The following HIKESHI variants were observed in gnomAD, a reference collection of about 807,000 sequenced individuals.
The protein encoded by HIKESHI is protein Hikeshi.
In HIKESHI, 13 loss-of-function variants were observed where a neutral mutation model predicts 25.7. The observed-to-expected ratio is 0.51, with a 90% CI of 0.33 to 0.80. The LOEUF is 0.80. Among genes scored for constraint, HIKESHI ranks in the 30% least tolerant of loss-of-function variants. The pLI is 0.02. For synonymous variants in HIKESHI, 76 were observed against 78.7 expected (o/e 0.97, Z 0.18); for missense variants, 174 against 229.5 (o/e 0.76, Z 1.56).
intron 2 of HIKESHI, chr11:86,326,804 A>T (rs558380831): frequency 5.9e-5 from 16 of 273,152 alleles, no homozygotes; most frequent in African/African-American, 2.7e-4. Context: ...GGGTGGCATG[A>T]TAGGTTCCTG....
At chr11:86,327,561 G>A (rs964488580) in intron 2 of HIKESHI, among the ~76,000 whole-genome samples, 3 of 151,968 alleles carry the variant, frequency 2.0e-5, no homozygotes, top group African/African-American at 7.3e-5. Flanking sequence ...TGATCCACTC[G>A]CCTTGGCCTC....
In HIKESHI at chr11:86,328,464, C is replaced by G. The variant is rs796083412; in HGVS notation, c.269-8915C>G. ...TTTTTTTTTTTGAGACGGAGTCTGG[C>G]TCTGTTGCCGAGGCTGGTGTGCAGT... On this transcript the variant is annotated intron_variant, in intron 2 of 4. Transcript: ENST00000278483. Among the ~76,000 whole-genome samples, 26 of 148,220 alleles carry G rather than the reference C, an allele frequency of 1.8e-4. 1 individual carries two copies. In the South Asian group the frequency reaches 5.3e-3, roughly 30 times the overall value.
At chr11:86,345,266 A>G (rs1947841280) in intron 4 of HIKESHI, 1 of 425,476 alleles carries the variant, frequency 2.4e-6, no homozygotes, top group African/African-American at 2.1e-5. Flanking sequence ...CATCTGTGGA[A>G]TGAGGAAATA....
intron 1 of HIKESHI, 132 bp downstream of exon 1, chr11:86,302,610 T>C: frequency 3.9e-6 from 4 of 1,014,046 alleles, no homozygotes; most frequent in Non-Finnish European, 5.8e-6. Flanking sequence ...TATGTGAGGA[T>C]GGAGCGTGGG....
chr11:86,325,034 C>T (rs1407327030), intron 2 of HIKESHI, among the ~76,000 whole-genome samples: 1 of 151,948 alleles, frequency 6.6e-6, no homozygotes, highest in Non-Finnish European at 1.5e-5. Flanking sequence ...AAAAACTTAG[C>T]CAGGCATGGT....
chr11:86,315,711 G>T (rs551209864), intron 2 of HIKESHI, among the ~76,000 whole-genome samples: 1 of 152,186 alleles, frequency 6.6e-6, no homozygotes, highest in Admixed American at 6.6e-5. Context: ...ACTACTTACC[G>T]GAGGTAGTTG....
chr11:86,302,325 T>G lies in HIKESHI; in HGVS notation c.-124T>G. On this transcript the variant is annotated 5_prime_UTR_variant, in exon 1 of 5. The change abolishes the stop of an existing upstream ORF in the 5' untranslated region. Coordinates refer to ENST00000278483, the MANE Select transcript of HIKESHI (RefSeq NM_016401.4). ...TCTTGCCGCTGGCCCAGTCACTATG[T>G]AGTGGAGGGGCAGACACCCTCCCGC... is the stretch of plus-strand genomic sequence containing the variant. 1.7e-6 allele frequency: 2 copies of G among 1,167,300 alleles called. No individual in the cohort carries two copies. The highest frequency in any genetic ancestry group is 2.5e-6 in the Non-Finnish European group (2 of 808,200). 72.3% of individuals were successfully genotyped at this position (1,167,300 alleles called of 1,614,324 possible). A position where few individuals can be genotyped will look rare whatever the true frequency, so the allele number is the denominator to read the frequency against.
chr11:86,341,488 C>CTTTTTTTTTTTTTTTTTTTTTTTTTTT (rs112151717), intron 3 of HIKESHI, among the ~76,000 whole-genome samples: 1 of 142,810 alleles, frequency 7.0e-6, no homozygotes, highest in Non-Finnish European at 1.5e-5. Context: ...TGGAATTCTC[C>CTTTTTTTTTTTTTTTTTTTTTTTTTTT]TTTTTTTTTT....
chr11:86,305,215 G>T (rs1264074346), intron 1 of HIKESHI, among the ~76,000 whole-genome samples: 1 of 150,062 alleles, frequency 6.7e-6, no homozygotes, highest in Non-Finnish European at 1.5e-5. Flanking sequence ...GCCCTGGCTG[G>T]TCTTGAACTC....
intron 1 of HIKESHI, chr11:86,303,306 CT>C: frequency 1.2e-5 from 8 of 656,144 alleles, no homozygotes; most frequent in Non-Finnish European, 1.5e-5. Flanking sequence ...GCTGAATTGT[CT>C]TTTTTTCCCA....
intron 1 of HIKESHI, among the ~76,000 whole-genome samples, chr11:86,303,083 T>C (rs573747397): frequency 6.6e-6 from 1 of 152,300 alleles, no homozygotes; most frequent in African/African-American, 2.4e-5. Flanking sequence ...GAGTAGTGTG[T>C]TTCCTTATGG....
At chr11:86,327,988 T>A (rs1224066599) in intron 2 of HIKESHI, among the ~76,000 whole-genome samples, 2 of 152,142 alleles carry the variant, frequency 1.3e-5, no homozygotes, top group Non-Finnish European at 2.9e-5. Context: ...AGAATCTTAG[T>A]AAAGATACAG....
chr11:86,311,496 C>T (rs1555183858), intron 2 of HIKESHI, among the ~76,000 whole-genome samples: 2 of 151,942 alleles, frequency 1.3e-5, no homozygotes, highest in Non-Finnish European at 2.9e-5. Context: ...TTTTGTTGAT[C>T]TTTCAAAAAA....
chr11:86,302,501 T>C (rs750739638), intron 1 of HIKESHI, 23 bp downstream of exon 1: 6 of 1,556,344 alleles, frequency 3.9e-6, no homozygotes, highest in African/African-American at 2.7e-5. Flanking sequence ...CCGGGTGATA[T>C]CAGGAAGGGG....
chr11:86,328,441 T>G (rs1048449286), intron 2 of HIKESHI, among the ~76,000 whole-genome samples: 7 of 151,220 alleles, frequency 4.6e-5, no homozygotes, highest in East Asian at 1.9e-4. Context: ...TTTGTTTTTT[T>G]TTTTTTTTGA....
Position 86,302,412 on chromosome 11 carries a change from T to G in HIKESHI, c.-37T>G. The stretch of plus-strand genomic sequence containing the variant: ...AGCCCCAGGACTCCTAGTCGCCGGC[T>G]TCAGGTCACTGCCGGCTGAACGGAG... On this transcript the variant is annotated 5_prime_UTR_variant, in exon 1 of 5. Transcript: ENST00000278483. 3.2e-6 allele frequency: 5 copies of G among 1,551,422 alleles called. No individual in the cohort carries two copies. In the South Asian group the frequency reaches 5.9e-5, roughly 18 times the overall value.
At chr11:86,309,773 T>C (rs1946783032) in intron 2 of HIKESHI, among the ~76,000 whole-genome samples, 1 of 152,224 alleles carries the variant, frequency 6.6e-6, no homozygotes, top group Non-Finnish European at 1.5e-5. Context: ...GGATCCAGTT[T>C]CAGCTTTCTA....
intron 2 of HIKESHI, among the ~76,000 whole-genome samples, chr11:86,329,269 G>C (rs1947362543): frequency 6.6e-6 from 1 of 151,212 alleles, no homozygotes; most frequent in African/African-American, 2.4e-5. Context: ...TAAATTGGTA[G>C]TCTAGAATTA....
intron 2 of HIKESHI, among the ~76,000 whole-genome samples, chr11:86,325,066 T>C (rs1217068845): frequency 6.6e-6 from 1 of 151,732 alleles, no homozygotes; most frequent in African/African-American, 2.4e-5. Context: ...ATAGTCCCAC[T>C]ACTTGGGAGG....
Sources: gnomAD v4.1 joint callset for allele counts (sites outside exome capture counted in the v4.1 genomes callset) on GRCh38, gnomAD v4.1.1 for gene constraint, MANE v1.5 for transcripts, NCBI Gene and HGNC (gene_info 2026-07-23, HGNC 2026-07-21) for gene names.